The following ARIH1 variants were observed in gnomAD, a reference collection of about 807,000 sequenced individuals.
The protein encoded by ARIH1 is E3 ubiquitin-protein ligase ARIH1.
ARIH1 carries 8 observed loss-of-function variants against 85.0 expected under a neutral mutation model. The observed-to-expected ratio is 0.09, with a 90% confidence interval of 0.06 to 0.17. The LOEUF (loss-of-function observed/expected upper bound fraction) is 0.17. Among genes scored for constraint, ARIH1 ranks in the 10% least tolerant of loss-of-function variants. ARIH1 has a pLI of 1.00. For synonymous variants in ARIH1, 238 were observed against 253.6 expected (o/e 0.94, Z 0.59); for missense variants, 311 against 718.1 (o/e 0.43, Z 6.48).
intron 11 of ARIH1, among the ~76,000 whole-genome samples, chr15:72,572,752 T>C (rs751746475): frequency 1.2e-4 from 18 of 152,366 alleles, no homozygotes; most frequent in Non-Finnish European, 2.6e-4. Flanking sequence ...TGAACAGCAT[T>C]TGTTAAATGG....
intron 1 of ARIH1, among the ~76,000 whole-genome samples, chr15:72,510,503 G>A (rs750528317): frequency 4.0e-5 from 6 of 151,862 alleles, no homozygotes; most frequent in Non-Finnish European, 8.8e-5. Context: ...CCAGCACTTT[G>A]GGAGGCCGAG....
chr15:72,509,425 C>T (rs1209559810), intron 1 of ARIH1, among the ~76,000 whole-genome samples: 1 of 152,130 alleles, frequency 6.6e-6, no homozygotes, highest in Non-Finnish European at 1.5e-5. Flanking sequence ...TGATAAATGC[C>T]TAGAGTTGTG....
intron 3 of ARIH1, among the ~76,000 whole-genome samples, chr15:72,551,328 T>C (rs925203291): frequency 2.0e-5 from 3 of 152,090 alleles, no homozygotes; most frequent in Non-Finnish European, 4.4e-5. Flanking sequence ...AGGGGAGAGC[T>C]GAGTGAGGAC....
rs963159192 is a variant in ARIH1 at position 72,587,957 on chromosome 15, C to T, written c.*4665C>T. 3 of 152,160 alleles carry T rather than the reference C, an allele frequency of 2.0e-5. No individual in the cohort carries two copies. The highest frequency in any genetic ancestry group is 7.2e-5 in the African/African-American group (3 of 41,440). The allele number at this position is 152,160 out of a possible 1,614,324, so 9.4% of individuals were successfully genotyped here. A position where few individuals can be genotyped will look rare whatever the true frequency, so the allele number is the denominator to read the frequency against. On this transcript the variant is annotated 3_prime_UTR_variant, in exon 14 of 14. Coordinates refer to ENST00000379887, the MANE Select transcript of ARIH1 (RefSeq NM_005744.5). ...TGAGTTATGTGCGAAAAGCAGTTTT[C>T]AGGCTATCATTTAGGGCCACAGATA...
chr15:72,589,953 C>T lies in ARIH1; in HGVS notation c.*6661C>T, dbSNP rs1281100350. On this transcript the variant is annotated 3_prime_UTR_variant, in exon 14 of 14. Transcript: ENST00000379887. ...GGATCATAGGCATGTGCCACTGCTC[C>T]TAGCTCTTCCATCTCAGTCTTATGA... The T allele has an allele frequency of 1.3e-5, 2 of 152,176 alleles. No homozygotes were observed. Among genetic ancestry groups the T allele is most frequent in the Non-Finnish European group, 2.9e-5 (2 of 68,018 alleles). The allele number at this position is 152,176 out of a possible 1,614,324, so 9.4% of individuals were successfully genotyped here.
chr15:72,522,660 GCAA>G (rs989086945), intron 2 of ARIH1, among the ~76,000 whole-genome samples: 1 of 152,014 alleles, frequency 6.6e-6, no homozygotes, highest in African/African-American at 2.4e-5. Flanking sequence ...GAACTAGAGA[GCAA>G]CAACAACAAC....
chr15:72,589,147 C>A lies in ARIH1; in HGVS notation c.*5855C>A, dbSNP rs758476661. 6.6e-6 allele frequency: 1 copy of A among 152,136 alleles called. No homozygotes were observed. The highest frequency in any genetic ancestry group is 1.5e-5 in the Non-Finnish European group (1 of 68,036). The allele number at this position is 152,136 out of a possible 1,614,324, so 9.4% of individuals were successfully genotyped here. On this transcript the variant is annotated 3_prime_UTR_variant, in exon 14 of 14. Coordinates refer to ENST00000379887, the MANE Select transcript of ARIH1 (RefSeq NM_005744.5). Reference sequence around the variant, plus strand: ...CTTACTTTTGTCTGTATCTTCCAAGCAGCCCTAAAGCAAAATGGGCATTGT... The same window carrying A: ...CTTACTTTTGTCTGTATCTTCCAAGAAGCCCTAAAGCAAAATGGGCATTGT...
At chr15:72,506,107 G>C (rs1009453386) in intron 1 of ARIH1, among the ~76,000 whole-genome samples, 2 of 152,128 alleles carry the variant, frequency 1.3e-5, no homozygotes, top group East Asian at 3.9e-4. Context: ...CCAGCACTTG[G>C]GGAGGCCGAG....
chr15:72,535,953 G>A (rs915898586), intron 2 of ARIH1, among the ~76,000 whole-genome samples: 1 of 152,116 alleles, frequency 6.6e-6, no homozygotes, highest in Non-Finnish European at 1.5e-5. Flanking sequence ...GTGGGGCGGG[G>A]GCAGAGAACA....
intron 2 of ARIH1, among the ~76,000 whole-genome samples, chr15:72,542,393 G>A (rs546493994): frequency 6.6e-6 from 1 of 152,228 alleles, no homozygotes; most frequent in Non-Finnish European, 1.5e-5. Flanking sequence ...GAACTTAATA[G>A]GGAATAAGAT....
rs2064348164 is a variant in ARIH1, at chr15:72,592,767, T to C, written c.*9475T>C. 6.6e-6 allele frequency: 1 copy of C among 152,238 alleles called. No homozygotes were observed. The highest frequency in any genetic ancestry group is 2.1e-4 in the South Asian group (1 of 4,830). 9.4% of individuals were successfully genotyped at this position (152,238 alleles called of 1,614,324 possible). On this transcript the variant is annotated 3_prime_UTR_variant, in exon 14 of 14. Coordinates refer to ENST00000379887, the MANE Select transcript of ARIH1 (RefSeq NM_005744.5). ...CATTGTTCTTTATTGCTGAGTAGTA[T>C]TTCATTCTATAAATATACCACAATT...
In ARIH1 at chr15:72,590,857, C is replaced by T. The variant is rs1445256518; in HGVS notation, c.*7565C>T. On this transcript the variant is annotated 3_prime_UTR_variant, in exon 14 of 14. Transcript: ENST00000379887. ...CCTGTTTAAAGGTTTGGTATTTACT[C>T]CAAGTCACCTGCCTTTAGCCATGGA... The T allele has an allele frequency of 6.6e-6, 1 of 152,132 alleles. No homozygotes were observed. The highest frequency in any genetic ancestry group is 6.6e-5 in the Admixed American group (1 of 15,262). The allele number at this position is 152,132 out of a possible 1,614,324, so 9.4% of individuals were successfully genotyped here.
chr15:72,515,697 G>GC (rs1211093806), intron 1 of ARIH1, among the ~76,000 whole-genome samples: 1 of 152,124 alleles, frequency 6.6e-6, no homozygotes, highest in Admixed American at 6.6e-5. Flanking sequence ...GTTTGCATTT[G>GC]CCCCTCCCAT....
intron 6 of ARIH1, 76 bp from the exon 7 acceptor site, chr15:72,563,318 C>G: frequency 3.0e-6 from 4 of 1,346,106 alleles, no homozygotes; most frequent in Non-Finnish European, 4.2e-6. Context: ...CTTGGCCTCC[C>G]TAAGTTCTGG....
intron 1 of ARIH1, among the ~76,000 whole-genome samples, chr15:72,501,629 G>C (rs899035499): frequency 6.6e-6 from 1 of 152,198 alleles, no homozygotes. Flanking sequence ...AACATTTTTA[G>C]TATATGCCAC....
rs1362115979 is a variant in ARIH1 at position 72,570,398 on chromosome 15, T to A, written c.1157+91T>A. ...TTTCTACCTCATAGATATCACCATC[T>A]AACTTGCAAGCTAAATAAATACATA... On this transcript the variant is annotated intron_variant, in intron 10 of 13. Coordinates refer to ENST00000379887, the MANE Select transcript of ARIH1 (RefSeq NM_005744.5). 1.8e-5 allele frequency: 27 copies of A among 1,494,072 alleles called. No individual in the cohort carries two copies. In the East Asian group the frequency reaches 1.8e-4, roughly 10 times the overall value. 92.6% of individuals were successfully genotyped at this position (1,494,072 alleles called of 1,614,324 possible).
intron 11 of ARIH1, among the ~76,000 whole-genome samples, chr15:72,577,208 C>T (rs2064275584): frequency 6.6e-6 from 1 of 151,850 alleles, no homozygotes; most frequent in South Asian, 2.1e-4. Context: ...TGGTCTTGAA[C>T]TCCTGACCTC....
At chr15:72,571,683 T>C (rs2064247994) in intron 10 of ARIH1, among the ~76,000 whole-genome samples, 1 of 152,190 alleles carries the variant, frequency 6.6e-6, no homozygotes, top group Non-Finnish European at 1.5e-5. Flanking sequence ...CCTGGAAAAT[T>C]AGAAATATTT....
At chr15:72,574,893 GACCCCCCC>G (rs1483140255) in intron 11 of ARIH1, among the ~76,000 whole-genome samples, 1 of 130,576 alleles carries the variant, frequency 7.7e-6, no homozygotes, top group Non-Finnish European at 1.7e-5. Flanking sequence ...AACATAGTAA[GACCCCCCC>G]GCCGCCCCCG....
Sources: gnomAD v4.1 joint callset for allele counts (sites outside exome capture counted in the v4.1 genomes callset) on GRCh38, gnomAD v4.1.1 for gene constraint, MANE v1.5 for transcripts, NCBI Gene and HGNC (gene_info 2026-07-23, HGNC 2026-07-21) for gene names.